PCDH11X: variants seen among roughly 807,000 people sequenced by gnomAD.
The protein encoded by PCDH11X is protocadherin-11 X-linked.
Under a neutral mutation model 53.3 loss-of-function variants are expected in PCDH11X, and 18 were observed. The observed-to-expected ratio is 0.34, with a 90% CI of 0.23 to 0.50. The LOEUF is 0.50. Among genes scored for constraint, PCDH11X ranks in the 20% least tolerant of loss-of-function variants. PCDH11X has a pLI of 0.98. For synonymous variants in PCDH11X, 279 were observed against 393.3 expected (o/e 0.71, Z 3.44); for missense variants, 570 against 1,032.4 (o/e 0.55, Z 6.14).
intron 6 of PCDH11X, among the ~76,000 whole-genome samples, chrX:91,918,358 C>T (rs940972828): frequency 1.9e-5 from 2 of 107,831 alleles, no homozygotes; most frequent in Non-Finnish European, 3.9e-5. Flanking sequence ...AAAAGTGTTG[C>T]GCATTTACTG....
In PCDH11X at chrX:91,808,366, G is replaced by A. The variant is rs774793404; in HGVS notation, c.-378-1100G>A. On this transcript the variant is annotated intron_variant, in intron 1 of 10. Coordinates refer to ENST00000682573, the MANE Select transcript of PCDH11X (RefSeq NM_032968.5). ...AAAAATTAGCTGGGCATGGTGACGGGTGCCTGTAATCCCAGCTACTCAGGA... is the reference window on the plus strand; with the variant it reads ...AAAAATTAGCTGGGCATGGTGACGGATGCCTGTAATCCCAGCTACTCAGGA... 1.0e-4 allele frequency among the ~76,000 whole-genome samples: 11 copies of A among 109,182 alleles called. No individual in the cohort carries two copies. The South Asian group carries it at 3.7e-3, about 36-fold the overall frequency. The allele number at this position is 109,182 out of a possible 115,157, so 94.8% of individuals were successfully genotyped here. A position where few individuals can be genotyped will look rare whatever the true frequency, so the allele number is the denominator to read the frequency against.
intron 6 of PCDH11X, among the ~76,000 whole-genome samples, chrX:91,933,750 A>G (rs986684965): frequency 5.4e-5 from 6 of 111,351 alleles, no homozygotes; most frequent in Admixed American, 9.6e-5. Flanking sequence ...GTGAATAACT[A>G]TTGCTAAATG....
chrX:92,460,538 A>T, intron 9 of PCDH11X: 1 of 742,170 alleles, frequency 1.3e-6, no homozygotes, highest in East Asian at 3.2e-5. Flanking sequence ...AGCTGCTGAG[A>T]TGACGCTCAC....
At chrX:91,822,146 G>T (rs1160448929) in intron 4 of PCDH11X, among the ~76,000 whole-genome samples, 1 of 110,065 alleles carries the variant, frequency 9.1e-6, no homozygotes, top group African/African-American at 3.4e-5. Flanking sequence ...TTTTTTGGTT[G>T]TGTCTCTGCC....
At chrX:92,095,522 T>C (rs759737800) in intron 6 of PCDH11X, among the ~76,000 whole-genome samples, 25 of 111,208 alleles carry the variant, frequency 2.2e-4, no homozygotes, top group African/African-American at 8.1e-4. Context: ...CTGTAATTTT[T>C]ATTGAGTTTC....
At chrX:92,539,940 A>T (rs2074728780) in intron 10 of PCDH11X, among the ~76,000 whole-genome samples, 1 of 110,939 alleles carries the variant, frequency 9.0e-6, no homozygotes, top group Non-Finnish European at 1.9e-5. Context: ...AGCCACCTGG[A>T]ACTGTGGGCA....
chrX:92,215,807 G>A (rs1455736590), intron 7 of PCDH11X, among the ~76,000 whole-genome samples: 131 of 106,543 alleles, frequency 1.2e-3, no homozygotes, highest in African/African-American at 4.3e-3. Context: ...GCACCCCCCA[G>A]TAGGGGCAGA....
intron 6 of PCDH11X, among the ~76,000 whole-genome samples, chrX:92,057,093 G>A (rs781719372): frequency 1.6e-4 from 17 of 108,421 alleles, no homozygotes; most frequent in Non-Finnish European, 2.9e-4. Context: ...GTGAGGAGAA[G>A]GGAAACGTAA....
At chrX:92,474,142 G>A (rs2073327113) in intron 10 of PCDH11X, among the ~76,000 whole-genome samples, 1 of 110,800 alleles carries the variant, frequency 9.0e-6, no homozygotes, top group African/African-American at 3.3e-5. Context: ...GTAGTATTGA[G>A]CACATATATA....
At chrX:92,014,191 AAAAAC>A (rs1302678379) in intron 6 of PCDH11X, among the ~76,000 whole-genome samples, 4 of 94,726 alleles carry the variant, frequency 4.2e-5, no homozygotes, top group African/African-American at 1.4e-4. Flanking sequence ...TTACAAGAAA[AAAAAC>A]AAACAACCCC....
At chrX:92,139,848 A>T (rs1468141411) in intron 6 of PCDH11X, among the ~76,000 whole-genome samples, 1 of 110,958 alleles carries the variant, frequency 9.0e-6, no homozygotes, top group Non-Finnish European at 1.9e-5. Flanking sequence ...AGTGCCTGGG[A>T]TCTATCAATA....
At chrX:92,410,872 G>A (rs2071629904) in intron 9 of PCDH11X, among the ~76,000 whole-genome samples, 1 of 101,487 alleles carries the variant, frequency 9.9e-6, no homozygotes, top group Non-Finnish European at 1.9e-5. Context: ...GCCATCAAAC[G>A]ATATTGGTCT....
intron 7 of PCDH11X, among the ~76,000 whole-genome samples, chrX:92,224,043 A>G (rs2066926805): frequency 8.9e-6 from 1 of 111,833 alleles, no homozygotes; most frequent in Non-Finnish European, 1.9e-5. Context: ...TGTGTAGAAG[A>G]AATTTCTATA....
At chrX:92,432,340 A>T (rs1196645945) in intron 9 of PCDH11X, among the ~76,000 whole-genome samples, 5 of 110,456 alleles carry the variant, frequency 4.5e-5, no homozygotes, top group African/African-American at 1.6e-4. Context: ...GGTTATGCAC[A>T]TCTAATTTTA....
intron 7 of PCDH11X, among the ~76,000 whole-genome samples, chrX:92,215,053 G>C (rs919643441): frequency 2.4e-4 from 27 of 111,204 alleles, no homozygotes; most frequent in Non-Finnish European, 4.2e-4. Flanking sequence ...CGACTAAAAA[G>C]AAAACACTGG....
intron 10 of PCDH11X, among the ~76,000 whole-genome samples, chrX:92,600,657 A>C (rs1296922101): frequency 9.2e-6 from 1 of 108,195 alleles, no homozygotes; most frequent in Non-Finnish European, 1.9e-5. Flanking sequence ...GGGAGTCCCC[A>C]CACAGAATCC....
At chrX:92,492,603 G>A (rs1033778733) in intron 10 of PCDH11X, among the ~76,000 whole-genome samples, 18 of 110,192 alleles carry the variant, frequency 1.6e-4, no homozygotes, top group Non-Finnish European at 3.4e-4. Context: ...TCATTGATTA[G>A]AAATTGAGGT....
chrX:91,782,681 G>T (rs749837806), intron 1 of PCDH11X, among the ~76,000 whole-genome samples: 1 of 109,170 alleles, frequency 9.2e-6, no homozygotes, highest in Admixed American at 9.7e-5. Flanking sequence ...TTGCGGAAAG[G>T]CTCTATCCAC....
At chrX:92,073,624 C>A (rs2063734609) in intron 6 of PCDH11X, among the ~76,000 whole-genome samples, 1 of 112,214 alleles carries the variant, frequency 8.9e-6, no homozygotes, top group Non-Finnish European at 1.9e-5. Context: ...AATGGAAGAG[C>A]AATATACTTG....
Sources: allele counts gnomAD v4.1 joint callset (sites outside exome capture counted in the v4.1 genomes callset), GRCh38; gene constraint gnomAD v4.1.1; transcripts MANE v1.5; gene names NCBI Gene and HGNC (gene_info 2026-07-23, HGNC 2026-07-21).